CYB5R2: variants seen among roughly 807,000 people sequenced by gnomAD.
CYB5R2 encodes the protein NADH-cytochrome b5 reductase 2.
Under a neutral mutation model 29.8 loss-of-function variants are expected in CYB5R2, and 35 were observed. The ratio of observed to expected loss-of-function variants is 1.17; its 90% CI spans 0.90 to 1.56. The LOEUF (loss-of-function observed/expected upper bound fraction) is 1.56, where lower values mean the gene tolerates loss of function less well. Ranked by LOEUF, CYB5R2 falls within the 40% of genes most tolerant of loss-of-function variation. The pLI, the probability that CYB5R2 is intolerant of heterozygous loss-of-function variation, is 0.00. For synonymous variants in CYB5R2, 169 were observed against 130.6 expected, an observed-to-expected ratio of 1.29 and a Z score of -2.01; for missense variants, 419 against 346.7, an observed-to-expected ratio of 1.21 and a Z score of -1.66.
In CYB5R2 at chr11:7,669,110, C is replaced by G. The variant is rs781301373; in HGVS notation, c.388+95G>C. 2.7e-6 allele frequency: 4 copies of G among 1,469,078 alleles called. No homozygotes were observed. In the Admixed American group the frequency reaches 6.7e-5, roughly 25 times the overall value. The allele number at this position is 1,469,078 out of a possible 1,614,324, so 91.0% of individuals were successfully genotyped here. On this transcript the variant is annotated intron_variant, in intron 5 of 8. Coordinates refer to ENST00000299498, the MANE Select transcript of CYB5R2 (RefSeq NM_016229.5). ...AATGAATGAAGACTAAGGACAACCC[C>G]ATGTGACTCAAATCTGAGGAGTGTA...
At chr11:7,666,074 C>T (rs12794507) in intron 8 of CYB5R2, 163,920 of 667,570 alleles carry the variant, frequency 0.25, 21,808 homozygotes, top group African/African-American at 0.42. Context: ...GTGAGGTGGG[C>T]GGTAAGGGGT....
rs1187517563 is a variant in CYB5R2, at chr11:7,666,565, A to G, written c.559-15T>C. On this transcript the variant is annotated splice_polypyrimidine_tract_variant and intron_variant, in intron 7 of 8. Coordinates refer to ENST00000299498, the MANE Select transcript of CYB5R2 (RefSeq NM_016229.5). ...TCCTCCTCTGTCTAGAAAAGAAGCA[A>G]CACTGAAAAAGCCCCTCCAGGGCCA... is the stretch of plus-strand genomic sequence containing the variant. 3 of 1,597,238 alleles carry G rather than the reference A, an allele frequency of 1.9e-6. No individual in the cohort carries two copies. The East Asian group carries it at 6.7e-5, about 36-fold the overall frequency.
At chr11:7,669,005 C>T (rs1322419186) in intron 5 of CYB5R2, 200 bp downstream of exon 5, 4 of 718,646 alleles carry the variant, frequency 5.6e-6, no homozygotes. Flanking sequence ...CAAGTCATTC[C>T]CCTACCTTAC....
rs1034970611 is a variant in CYB5R2, at chr11:7,669,218, A to T, written c.375T>A (p.Phe125Leu). ...CCCCTCCAGTACCTGGCCCATGGTA[A>T]AACAAGCGTCCCCTTGGCCCTCGAA... ...IFFRGPRGRL[F>L]YHGPGNLGIR... The change falls in exon 5 of 9, where the codon TTT (phenylalanine) becomes TTA (leucine). Residue 125 changes from phenylalanine to leucine, a missense_variant. Coordinates refer to ENST00000299498, the MANE Select transcript of CYB5R2 (RefSeq NM_016229.5). 20 of 1,614,028 alleles carry T rather than the reference A, an allele frequency of 1.2e-5. No homozygotes were observed. The highest frequency in any genetic ancestry group is 1.7e-5 in the Non-Finnish European group (20 of 1,180,020).
intron 8 of CYB5R2, chr11:7,666,152 G>C (rs1855184725): frequency 6.6e-6 from 4 of 602,064 alleles, no homozygotes; most frequent in Non-Finnish European, 1.2e-5. Context: ...GTATGTGATG[G>C]CTGTGTGGAA....
At chr11:7,672,651 G>A (rs1855824095) in intron 2 of CYB5R2, 97 bp downstream of exon 2, 2 of 1,479,778 alleles carry the variant, frequency 1.4e-6, no homozygotes, top group Admixed American at 1.7e-5. Flanking sequence ...CAGGGCGGCG[G>A]GGAGTGAACT....
At chr11:7,667,864 C>A in intron 6 of CYB5R2, 51 bp from the exon 7 acceptor site, 1 of 1,452,254 alleles carries the variant, frequency 6.9e-7, no homozygotes, top group South Asian at 1.1e-5. Flanking sequence ...CTGAAGCCCA[C>A]AGTCCCTGAC....
intron 3 of CYB5R2, 178 bp downstream of exon 3, chr11:7,672,273 A>G: frequency 2.0e-6 from 1 of 508,644 alleles, no homozygotes; most frequent in Non-Finnish European, 3.5e-6. Flanking sequence ...AATAATGAAG[A>G]AAAGAAATTT....
intron 8 of CYB5R2, 190 bp from the exon 9 acceptor site, chr11:7,665,736 A>G: frequency 1.6e-6 from 2 of 1,241,250 alleles, no homozygotes; most frequent in South Asian, 1.5e-5. Flanking sequence ...CAATCACCCC[A>G]GGTCCCAGGC....
At chr11:7,674,201 GCGCGAATATATT>G (rs1206848855), upstream of CYB5R2, 29 of 1,267,672 alleles carry the variant, frequency 2.3e-5, no homozygotes, top group Non-Finnish European at 2.9e-5. Flanking sequence ...TGCAAAGAGC[GCGCGAATATATT>G]CATTCGACAT....
At chr11:7,672,368 G>T in intron 3 of CYB5R2, 83 bp downstream of exon 3, 4 of 1,241,322 alleles carry the variant, frequency 3.2e-6, no homozygotes, top group Non-Finnish European at 4.7e-6. Flanking sequence ...ACCTCAGGAC[G>T]TGGGAAACCT....
At chr11:7,667,889 A>G (rs759880973) in intron 6 of CYB5R2, 76 bp from the exon 7 acceptor site, 2 of 1,177,014 alleles carry the variant, frequency 1.7e-6, no homozygotes, top group South Asian at 1.2e-5. Context: ...AGCAAGCTTC[A>G]TACCTTCCCC....
At chr11:7,671,377 G>C (rs958660652) in intron 3 of CYB5R2, 2 of 152,302 alleles carry the variant, frequency 1.3e-5, no homozygotes, top group African/African-American at 4.8e-5. Context: ...GACTCTCCCA[G>C]AGGCCTCTAC....
intron 3 of CYB5R2, chr11:7,669,977 G>A (rs1855627178): frequency 2.1e-6 from 1 of 479,986 alleles, no homozygotes; most frequent in South Asian, 2.3e-5. Flanking sequence ...TCTGTAAAAT[G>A]GGGGTGATAT....
At chr11:7,669,897 C>G (rs1271762540) in intron 3 of CYB5R2, 166 bp from the exon 4 acceptor site, 1 of 618,152 alleles carries the variant, frequency 1.6e-6, no homozygotes. Flanking sequence ...TGCCCGGATC[C>G]TAGGCCTGCC....
At chr11:7,674,201 G>A, upstream of CYB5R2, 8 of 1,267,790 alleles carry the variant, frequency 6.3e-6, no homozygotes, top group Non-Finnish European at 7.2e-6. Flanking sequence ...TGCAAAGAGC[G>A]CGCGAATATA....
intron 3 of CYB5R2, chr11:7,672,097 G>T: frequency 4.2e-6 from 1 of 236,748 alleles, no homozygotes; most frequent in Non-Finnish European, 8.2e-6. Context: ...GAGGTAGACA[G>T]GCAGGCCTGG....
intron 6 of CYB5R2, 110 bp from the exon 7 acceptor site, chr11:7,667,923 CTTCTGTCCCCAAAACT>C: frequency 1.1e-6 from 1 of 874,764 alleles, no homozygotes; most frequent in South Asian, 1.4e-5. Flanking sequence ...CCTTTTCTCA[CTTCTGTCCCCAAAACT>C]CAAAGCAGGA....
Position 7,672,473 on chromosome 11 carries a change from G to T in CYB5R2, c.129C>A (p.Asp43Glu). The change falls in exon 3 of 9, where the codon GAC becomes GAA. Residue 43 changes from aspartate (D) to glutamate (E), a missense_variant. Coordinates refer to ENST00000299498, the MANE Select transcript of CYB5R2 (RefSeq NM_016229.5). ...CACCTACAGGAAGCCCTAAGACATGGTCCGGCGAAGGCAGTCCAAAGCGGA... is the reference window on the plus strand; with the variant it reads ...CACCTACAGGAAGCCCTAAGACATGTTCCGGCGAAGGCAGTCCAAAGCGGA... Reference protein sequence around the residue: ...RRFRFGLPSPDHVLGLPVGNY... With the variant: ...RRFRFGLPSPEHVLGLPVGNY... 6.2e-7 allele frequency: 1 copy of T among 1,614,178 alleles called. No individual in the cohort carries two copies. Among genetic ancestry groups the T allele is most frequent in the African/African-American group, 1.3e-5 (1 of 75,052 alleles).
Sources: gnomAD v4.1 joint callset for allele counts on GRCh38, gnomAD v4.1.1 for gene constraint, MANE v1.5 for transcripts, NCBI Gene and HGNC (gene_info 2026-07-23, HGNC 2026-07-21) for gene names.